Variants in LRRC4C observed in about 807,000 individuals in gnomAD.
The protein encoded by LRRC4C is leucine rich repeat containing 4C.
In LRRC4C, 5 loss-of-function variants were observed where a neutral mutation model predicts 33.6. The ratio of observed to expected loss-of-function variants is 0.15; its 90% confidence interval spans 0.08 to 0.31. The LOEUF is 0.31. LRRC4C is among the 10% of genes least tolerant of loss of function. LRRC4C has a pLI of 1.00. For synonymous variants in LRRC4C, 329 were observed against 302.0 expected (o/e 1.09, Z -0.93); for missense variants, 560 against 796.7 (o/e 0.70, Z 3.58).
chr11:40,638,500 G>C (rs184705213), intron 3 of LRRC4C, among the ~76,000 whole-genome samples: 1 of 152,212 alleles, frequency 6.6e-6, no homozygotes, highest in African/African-American at 2.4e-5. Flanking sequence ...ATAATTGTAA[G>C]GATGTTAACT....
intron 2 of LRRC4C, among the ~76,000 whole-genome samples, chr11:40,772,881 C>G (rs1949817380): frequency 6.6e-6 from 1 of 152,098 alleles, no homozygotes; most frequent in Non-Finnish European, 1.5e-5. Context: ...ATCAGTATAT[C>G]AAAGAGATAT....
intron 1 of LRRC4C, among the ~76,000 whole-genome samples, chr11:41,323,512 A>C (rs2137292508): frequency 6.6e-6 from 1 of 152,342 alleles, no homozygotes; most frequent in Middle Eastern, 3.4e-3. Context: ...GAGAAAAGCA[A>C]ACTTTTTCTG....
At chr11:40,538,520 T>C (rs556924550) in intron 3 of LRRC4C, among the ~76,000 whole-genome samples, 1 of 152,300 alleles carries the variant, frequency 6.6e-6, no homozygotes, top group East Asian at 1.9e-4. Flanking sequence ...ATTTTCTTAA[T>C]CCAGTCTATC....
chr11:41,393,618 C>A (rs988067984), intron 1 of LRRC4C, among the ~76,000 whole-genome samples: 10 of 151,808 alleles, frequency 6.6e-5, no homozygotes, highest in Admixed American at 1.3e-4. Flanking sequence ...TAAAAGCACT[C>A]AAGAAGAGTT....
chr11:40,337,756 G>A (rs990035493), intron 3 of LRRC4C, among the ~76,000 whole-genome samples: 8 of 152,130 alleles, frequency 5.3e-5, no homozygotes, highest in South Asian at 2.1e-4. Flanking sequence ...GGGGTTTGTC[G>A]TACAGATTAT....
At chr11:41,341,459 A>ATT (rs776360446) in intron 1 of LRRC4C, among the ~76,000 whole-genome samples, 3 of 151,988 alleles carry the variant, frequency 2.0e-5, no homozygotes, top group Non-Finnish European at 2.9e-5. Context: ...TGTTTTCTAC[A>ATT]TTTTTTTCCA....
intron 1 of LRRC4C, among the ~76,000 whole-genome samples, chr11:41,319,575 C>G (rs1370808939): frequency 6.6e-6 from 1 of 152,220 alleles, no homozygotes; most frequent in Admixed American, 6.5e-5. Flanking sequence ...CAAGATCTCA[C>G]TCTGTCACCC....
intron 1 of LRRC4C, among the ~76,000 whole-genome samples, chr11:41,281,061 TCTCTCTCTCTCTCTGTC>T (rs2077853794): frequency 7.4e-6 from 1 of 135,008 alleles, no homozygotes; most frequent in Non-Finnish European, 1.6e-5. Context: ...TCTCTCTCTC[TCTCTCTCTCTCTCTGTC>T]CTCTCTCTCT....
Position 40,312,661 on chromosome 11 carries a change from T to C in LRRC4C, c.-176+6967A>G, listed in dbSNP as rs920956627. Among the ~76,000 whole-genome samples, 10 of 152,308 alleles carry C rather than the reference T, an allele frequency of 6.6e-5. No homozygotes were observed. The East Asian group carries it at 1.9e-3, about 29-fold the overall frequency. The stretch of plus-strand genomic sequence containing the variant: ...GCAAATTCAAGGGAATCCAGAGCTA[T>C]TGAGGGGTTCCTGTTTTAGTCTTAT... On this transcript the variant is annotated intron_variant, in intron 4 of 6. Coordinates refer to ENST00000528697, the MANE Select transcript of LRRC4C (RefSeq NM_001258419.2).
At chr11:40,237,842 G>A (rs1248400952) in intron 5 of LRRC4C, among the ~76,000 whole-genome samples, 1 of 152,106 alleles carries the variant, frequency 6.6e-6, no homozygotes, top group African/African-American at 2.4e-5. Flanking sequence ...ACCGAAGTTG[G>A]AGCATGAGAA....
intron 3 of LRRC4C, among the ~76,000 whole-genome samples, chr11:40,510,923 G>T (rs1000681022): frequency 1.3e-5 from 2 of 152,226 alleles, no homozygotes; most frequent in African/African-American, 2.4e-5. Flanking sequence ...ACTGATACTT[G>T]CTAGATTTTG....
chr11:40,336,219 C>A (rs575663162), intron 3 of LRRC4C, among the ~76,000 whole-genome samples: 1 of 152,176 alleles, frequency 6.6e-6, no homozygotes, highest in Non-Finnish European at 1.5e-5. Flanking sequence ...CGCTGAACCT[C>A]TCTCCTCTTT....
At chr11:40,733,161 C>T (rs1392329084) in intron 2 of LRRC4C, among the ~76,000 whole-genome samples, 3 of 146,996 alleles carry the variant, frequency 2.0e-5, no homozygotes, top group Non-Finnish European at 3.0e-5. Context: ...CTGCAAGCTC[C>T]GCCTCCCGGG....
intron 5 of LRRC4C, among the ~76,000 whole-genome samples, chr11:40,226,400 C>T (rs558483378): frequency 9.2e-5 from 14 of 152,314 alleles, no homozygotes; most frequent in Admixed American, 3.3e-4. Flanking sequence ...AAACTCCACT[C>T]GATCCCAGAA....
At chr11:40,218,743 CCA>C (rs1864187477) in intron 5 of LRRC4C, among the ~76,000 whole-genome samples, 2 of 150,010 alleles carry the variant, frequency 1.3e-5, no homozygotes, top group African/African-American at 4.9e-5. Context: ...ATCTATCTAT[CCA>C]TCCATCCATC....
intron 3 of LRRC4C, among the ~76,000 whole-genome samples, chr11:40,431,553 A>G (rs1056158771): frequency 2.0e-5 from 3 of 151,718 alleles, no homozygotes; most frequent in African/African-American, 7.3e-5. Flanking sequence ...GTTAATCTTC[A>G]TCTCTTTTTC....
At chr11:40,177,964 C>T (rs1285360804) in intron 5 of LRRC4C, among the ~76,000 whole-genome samples, 1 of 152,142 alleles carries the variant, frequency 6.6e-6, no homozygotes, top group East Asian at 1.9e-4. Context: ...TTGGTTTTGA[C>T]TAACATCAAA....
At chr11:41,008,970 C>T (rs1321379559) in intron 1 of LRRC4C, among the ~76,000 whole-genome samples, 1 of 151,878 alleles carries the variant, frequency 6.6e-6, no homozygotes, top group Non-Finnish European at 1.5e-5. Context: ...TTCAATTGAA[C>T]TATTTTTAAA....
chr11:40,375,452 A>C (rs1219858065), intron 3 of LRRC4C, among the ~76,000 whole-genome samples: 1 of 152,170 alleles, frequency 6.6e-6, no homozygotes, highest in South Asian at 2.1e-4. Flanking sequence ...AAATACAGAC[A>C]CAAAATGAGC....
Sources: allele counts gnomAD v4.1 joint callset (sites outside exome capture counted in the v4.1 genomes callset), GRCh38; gene constraint gnomAD v4.1.1; transcripts MANE v1.5; gene names NCBI Gene and HGNC (gene_info 2026-07-23, HGNC 2026-07-21).